Variants in PTDSS1 observed in about 807,000 individuals in gnomAD.
PTDSS1 encodes phosphatidylserine synthase 1.
PTDSS1 carries 45 observed loss-of-function variants against 70.5 expected under a neutral mutation model. The ratio of observed to expected loss-of-function variants is 0.64; its 90% confidence interval spans 0.50 to 0.82. The LOEUF (loss-of-function observed/expected upper bound fraction) is 0.82, where lower values mean the gene tolerates loss of function less well. PTDSS1 is among the 40% of genes least tolerant of loss of function. The pLI is 0.00. For synonymous variants in PTDSS1, 188 were observed against 203.8 expected (o/e 0.92, Z 0.66); for missense variants, 417 against 586.1 (o/e 0.71, Z 2.98).
At chr8:96,305,258 A>G (rs1811106379) in intron 7 of PTDSS1, among the ~76,000 whole-genome samples, 1 of 152,250 alleles carries the variant, frequency 6.6e-6, no homozygotes, top group Non-Finnish European at 1.5e-5. Context: ...GAGTGTGAGC[A>G]CTGCGCTGGG....
At chr8:96,307,820 C>T (rs908799914) in intron 8 of PTDSS1, among the ~76,000 whole-genome samples, 16 of 152,070 alleles carry the variant, frequency 1.1e-4, no homozygotes, top group Admixed American at 5.9e-4. Context: ...AATAGCAAAT[C>T]GTATATGATT....
chr8:96,331,649 G>A (rs1043579765), intron 12 of PTDSS1, among the ~76,000 whole-genome samples: 49 of 152,190 alleles, frequency 3.2e-4, no homozygotes, highest in African/African-American at 1.2e-3. Context: ...GACTTGGTTT[G>A]TAAGAAGAGG....
chr8:96,286,202 G>A (rs1218998359), intron 3 of PTDSS1, among the ~76,000 whole-genome samples: 1 of 152,182 alleles, frequency 6.6e-6, no homozygotes, highest in Non-Finnish European at 1.5e-5. Context: ...GTCTCTAAAT[G>A]TCCCGCATAA....
At chr8:96,263,070 T>C (rs1385829548) in intron 1 of PTDSS1, among the ~76,000 whole-genome samples, 1 of 152,222 alleles carries the variant, frequency 6.6e-6, no homozygotes, top group Non-Finnish European at 1.5e-5. Flanking sequence ...TAGTAACTGC[T>C]GTGTGTTAAA....
Position 96,333,904 on chromosome 8 carries a change from A to G in PTDSS1, c.*338A>G, listed in dbSNP as rs969024957. The G allele has an allele frequency of 1.0e-5, 6 of 599,138 alleles. No homozygotes were observed. The highest frequency in any genetic ancestry group is 1.8e-5 in the Non-Finnish European group (6 of 334,860). 37.1% of individuals were successfully genotyped at this position (599,138 alleles called of 1,614,324 possible). A position where few individuals can be genotyped will look rare whatever the true frequency, so the allele number is the denominator to read the frequency against. On this transcript the variant is annotated 3_prime_UTR_variant, in exon 13 of 13. Coordinates refer to ENST00000517309, the MANE Select transcript of PTDSS1 (RefSeq NM_014754.3). ...TCCGCGCCTGCTGGATCGTGGATGC[A>G]GCGTAAACATCTTCCTTCAGACGAG...
At chr8:96,268,248 T>C (rs1053281098) in intron 1 of PTDSS1, among the ~76,000 whole-genome samples, 1 of 152,238 alleles carries the variant, frequency 6.6e-6, no homozygotes, top group African/African-American at 2.4e-5. Context: ...AATGTGGTAT[T>C]AAAGATAATA....
chr8:96,321,494 C>G lies in PTDSS1; in HGVS notation c.1173+1149C>G, dbSNP rs569559293. 1.8e-4 allele frequency among the ~76,000 whole-genome samples: 28 copies of G among 152,340 alleles called. No individual in the cohort carries two copies. The South Asian group carries it at 5.6e-3, about 30-fold the overall frequency. On this transcript the variant is annotated intron_variant, in intron 10 of 12. Transcript: ENST00000517309. ...CATAGGTTTTCCTCTATCGCTAACC[C>G]TCTTTCCCTCGTAATTTATCGGTTG...
chr8:96,280,005 G>A (rs1810712797), intron 2 of PTDSS1, among the ~76,000 whole-genome samples: 2 of 152,110 alleles, frequency 1.3e-5, no homozygotes, highest in African/African-American at 4.8e-5. Context: ...ACAAATGTTA[G>A]CTGTTGGACA....
In PTDSS1 at chr8:96,334,938, T is replaced by C. The variant is rs1402009669; in HGVS notation, c.*1372T>C. The C allele has an allele frequency of 2.0e-5, 3 of 152,214 alleles. No individual in the cohort carries two copies. Among genetic ancestry groups the C allele is most frequent in the Non-Finnish European group, 2.9e-5 (2 of 68,038 alleles). 9.4% of individuals were successfully genotyped at this position (152,214 alleles called of 1,614,324 possible). On this transcript the variant is annotated 3_prime_UTR_variant, in exon 13 of 13. Transcript: ENST00000517309. Reference sequence around the variant, plus strand: ...TGATGTTTCTTCTTCTTTAAGGAAATCTTTAGCCATAGAAGTGTCACTTTT... The same window carrying C: ...TGATGTTTCTTCTTCTTTAAGGAAACCTTTAGCCATAGAAGTGTCACTTTT...
intron 1 of PTDSS1, among the ~76,000 whole-genome samples, chr8:96,267,303 G>A (rs1481673002): frequency 6.6e-6 from 1 of 152,110 alleles, no homozygotes; most frequent in African/African-American, 2.4e-5. Context: ...ATTGCCTCTA[G>A]CCCAGGTTTC....
At chr8:96,317,047 G>C (rs113628115) in intron 9 of PTDSS1, among the ~76,000 whole-genome samples, 1 of 124,830 alleles carries the variant, frequency 8.0e-6, no homozygotes, top group Non-Finnish European at 1.7e-5. Flanking sequence ...ATATATGTGT[G>C]TATATATATA....
At chr8:96,272,081 G>T in intron 1 of PTDSS1, among the ~76,000 whole-genome samples, 1 of 152,144 alleles carries the variant, frequency 6.6e-6, no homozygotes, top group East Asian at 1.9e-4. Flanking sequence ...TGTTCTTCCT[G>T]TTAGTTGATT....
At chr8:96,266,029 TATA>T (rs1297197443) in intron 1 of PTDSS1, among the ~76,000 whole-genome samples, 2 of 152,356 alleles carry the variant, frequency 1.3e-5, no homozygotes, top group Admixed American at 6.5e-5. Flanking sequence ...AAGCTCAGAG[TATA>T]ATAATTACCT....
intron 5 of PTDSS1, among the ~76,000 whole-genome samples, chr8:96,298,369 C>T (rs765174709): frequency 2.6e-5 from 4 of 152,172 alleles, no homozygotes; most frequent in Non-Finnish European, 5.9e-5. Flanking sequence ...TAATTACAGG[C>T]TTGTCTCTTT....
chr8:96,317,960 TC>T (rs371065921), intron 9 of PTDSS1, among the ~76,000 whole-genome samples: 217 of 150,742 alleles, frequency 1.4e-3, no homozygotes, highest in African/African-American at 5.0e-3. Context: ...AAATTGTGTT[TC>T]TTGCTATGGT....
At chr8:96,272,033 C>T (rs1403124021) in intron 1 of PTDSS1, among the ~76,000 whole-genome samples, 1 of 152,142 alleles carries the variant, frequency 6.6e-6, no homozygotes. Flanking sequence ...AACTTCATAT[C>T]TTTTGCCCGT....
chr8:96,306,820 C>T (rs1031783094), intron 8 of PTDSS1, among the ~76,000 whole-genome samples: 8 of 152,088 alleles, frequency 5.3e-5, no homozygotes, highest in East Asian at 1.9e-4. Flanking sequence ...CTTGGACTGC[C>T]GATCTTTTTT....
At chr8:96,273,517 G>A in intron 2 of PTDSS1, 127 bp downstream of exon 2, 1 of 690,286 alleles carries the variant, frequency 1.4e-6, no homozygotes, top group Non-Finnish European at 2.3e-6. Flanking sequence ...AGGGGCACAG[G>A]CTCTGGAGGC....
chr8:96,273,202 G>T, intron 1 of PTDSS1, 97 bp from the exon 2 acceptor site: 1 of 755,434 alleles, frequency 1.3e-6, no homozygotes, highest in Non-Finnish European at 2.1e-6. Flanking sequence ...CATACATCTG[G>T]CAGTCCCCCA....
Sources: gnomAD v4.1 joint callset for allele counts (sites outside exome capture counted in the v4.1 genomes callset) on GRCh38, gnomAD v4.1.1 for gene constraint, MANE v1.5 for transcripts, NCBI Gene and HGNC (gene_info 2026-07-23, HGNC 2026-07-21) for gene names.